Variants in LRBA observed in about 807,000 individuals in gnomAD.
The protein encoded by LRBA is lipopolysaccharide-responsive and beige-like anchor protein.
A neutral mutation model predicts 330.0 loss-of-function variants in LRBA; 176 were observed. The observed-to-expected ratio is 0.53, with a 90% CI of 0.47 to 0.60. The LOEUF (loss-of-function observed/expected upper bound fraction) is 0.60, where lower values mean the gene tolerates loss of function less well. Among genes scored for constraint, LRBA ranks in the 20% least tolerant of loss-of-function variants. The pLI, the probability that LRBA is intolerant of heterozygous loss-of-function variation, is 0.00. For synonymous variants in LRBA, 1,230 were observed against 1,193.0 expected, an observed-to-expected ratio of 1.03 and a Z score of -0.64; for missense variants, 3,259 against 3,444.8, an observed-to-expected ratio of 0.95 and a Z score of 1.35.
At chr4:150,576,366 CAT>C in intron 40 of LRBA, among the ~76,000 whole-genome samples, 1 of 151,972 alleles carries the variant, frequency 6.6e-6, no homozygotes, top group Non-Finnish European at 1.5e-5. Context: ...GGTCAAAAGA[CAT>C]ATGCCAATAT....
chr4:150,550,273 T>C (rs1382680214), intron 40 of LRBA, among the ~76,000 whole-genome samples: 4 of 152,134 alleles, frequency 2.6e-5, no homozygotes, highest in Non-Finnish European at 5.9e-5. Flanking sequence ...AACATGAACA[T>C]GCATGCTCCA....
chr4:150,463,825 T>C (rs545408513), intron 44 of LRBA, among the ~76,000 whole-genome samples: 2 of 151,984 alleles, frequency 1.3e-5, no homozygotes, highest in Non-Finnish European at 2.9e-5. Context: ...TCATACAGCC[T>C]ACATAATAAA....
intron 22 of LRBA, among the ~76,000 whole-genome samples, chr4:150,861,577 T>C (rs906502038): frequency 2.6e-5 from 4 of 152,182 alleles, no homozygotes; most frequent in Admixed American, 2.6e-4. Flanking sequence ...GAAGTTGCCC[T>C]GGGTCAATCA....
intron 40 of LRBA, among the ~76,000 whole-genome samples, chr4:150,508,790 T>C (rs976137541): frequency 2.0e-5 from 3 of 152,180 alleles, no homozygotes; most frequent in Non-Finnish European, 4.4e-5. Context: ...AACATTCCTC[T>C]GTAATTAATA....
At chr4:150,742,628 TGGC>T (rs1234198411) in intron 35 of LRBA, among the ~76,000 whole-genome samples, 1 of 152,120 alleles carries the variant, frequency 6.6e-6, no homozygotes, top group East Asian at 1.9e-4. Context: ...CCAGGTACAG[TGGC>T]TCATGCCTAC....
chr4:150,794,380 A>G (rs1443864824), intron 34 of LRBA, among the ~76,000 whole-genome samples: 1 of 152,024 alleles, frequency 6.6e-6, no homozygotes, highest in Non-Finnish European at 1.5e-5. Flanking sequence ...AAAGAATATT[A>G]ATATCATATA....
chr4:150,423,105 A>C (rs1212690172), intron 46 of LRBA: 1 of 837,528 alleles, frequency 1.2e-6, no homozygotes, highest in Non-Finnish European at 2.1e-6. Context: ...AAGGCATCTG[A>C]CAATTATAAA....
chr4:150,559,726 A>T (rs1237055580), intron 40 of LRBA, among the ~76,000 whole-genome samples: 1 of 89,894 alleles, frequency 1.1e-5, no homozygotes, highest in African/African-American at 4.7e-5. Context: ...TAGATTATAT[A>T]ATATATAATA....
chr4:150,748,038 C>G (rs1369731360), intron 35 of LRBA, among the ~76,000 whole-genome samples: 2 of 152,186 alleles, frequency 1.3e-5, no homozygotes. Context: ...TTCCCCATCA[C>G]TACCTCAGTT....
chr4:150,266,554 A>T (rs1745368120), intron 56 of LRBA, among the ~76,000 whole-genome samples: 1 of 152,236 alleles, frequency 6.6e-6, no homozygotes, highest in Non-Finnish European at 1.5e-5. Flanking sequence ...CTTAGAAGCC[A>T]TATTCAGTAT....
At chr4:150,490,435 A>G (rs1758772073) in intron 41 of LRBA, among the ~76,000 whole-genome samples, 1 of 151,868 alleles carries the variant, frequency 6.6e-6, no homozygotes, top group Non-Finnish European at 1.5e-5. Flanking sequence ...ATTTTAGTTC[A>G]ACTTTCAAGA....
intron 22 of LRBA, among the ~76,000 whole-genome samples, chr4:150,854,936 G>A (rs1751049129): frequency 6.6e-6 from 1 of 152,192 alleles, no homozygotes; most frequent in Non-Finnish European, 1.5e-5. Context: ...AATTAAGAGT[G>A]TAGGGAAGAC....
In LRBA at chr4:150,692,204, G is replaced by GTGTT. The variant is rs113091683; in HGVS notation, c.5755-8491_5755-8488dup. On this transcript the variant is annotated intron_variant, in intron 36 of 56. Transcript: ENST00000651943. Reference sequence around the variant, plus strand: ...TACTTCAATAAAGTTTATTTAAGAAGTGTTTGTTTGTTTGTTTGTTTGTTT... The same window carrying GTGTT: ...TACTTCAATAAAGTTTATTTAAGAAGTGTTTGTTTGTTTGTTTGTTTGTTTGTTT... 6.8e-3 allele frequency among the ~76,000 whole-genome samples: 1,029 copies of GTGTT among 151,846 alleles called. 2 individuals are homozygous for GTGTT. The highest frequency in any genetic ancestry group is 0.011 in the African/African-American group (439 of 41,302).
At chr4:150,792,838 T>A (rs1740173059) in intron 34 of LRBA, among the ~76,000 whole-genome samples, 1 of 152,142 alleles carries the variant, frequency 6.6e-6, no homozygotes, top group African/African-American at 2.4e-5. Flanking sequence ...CCCAGCACTT[T>A]GGGAGGCCTA....
At chr4:150,373,168 T>TGAGAGA (rs1367151216) in intron 47 of LRBA, among the ~76,000 whole-genome samples, 5 of 111,450 alleles carry the variant, frequency 4.5e-5, no homozygotes, top group African/African-American at 6.4e-5. Flanking sequence ...TGTGTGTGTG[T>TGAGAGA]GTGTGAGAGA....
intron 12 of LRBA, 113 bp from the exon 13 acceptor site, chr4:150,906,103 T>C: frequency 1.1e-6 from 1 of 920,554 alleles, no homozygotes; most frequent in Non-Finnish European, 1.7e-6. Flanking sequence ...AAGTTAAAGA[T>C]GCCATGAAGC....
intron 40 of LRBA, among the ~76,000 whole-genome samples, chr4:150,532,091 T>C (rs1764110536): frequency 1.3e-5 from 2 of 152,212 alleles, no homozygotes; most frequent in Non-Finnish European, 2.9e-5. Flanking sequence ...TAGAGGACTG[T>C]CATTCTCATC....
chr4:150,430,796 T>C (rs1199423341), intron 46 of LRBA, among the ~76,000 whole-genome samples: 1 of 152,142 alleles, frequency 6.6e-6, no homozygotes, highest in Non-Finnish European at 1.5e-5. Context: ...ATCCATTTAC[T>C]ACTGTCCCCA....
intron 5 of LRBA, among the ~76,000 whole-genome samples, 195 bp from the exon 6 acceptor site, chr4:150,916,933 C>A (rs1051795004): frequency 1.3e-5 from 2 of 152,136 alleles, no homozygotes; most frequent in African/African-American, 4.8e-5. Context: ...GCAGGTGCAT[C>A]ACAAGGTCAG....
Sources: gnomAD v4.1 joint callset for allele counts (sites outside exome capture counted in the v4.1 genomes callset) on GRCh38, gnomAD v4.1.1 for gene constraint, MANE v1.5 for transcripts, NCBI Gene and HGNC (gene_info 2026-07-23, HGNC 2026-07-21) for gene names.